The following FHOD3 variants were observed in gnomAD, a reference collection of about 807,000 sequenced individuals.
The protein encoded by FHOD3 is FH1/FH2 domain-containing protein 3.
A neutral mutation model predicts 173.0 loss-of-function variants in FHOD3; 90 were observed. That is an observed-to-expected ratio of 0.52 (90% confidence interval 0.44 to 0.62). FHOD3 has a LOEUF of 0.62. Ranked by LOEUF, FHOD3 falls within the 20% of genes least tolerant of loss-of-function variation. The pLI is 0.00. For missense variants in FHOD3, 1,945 were observed against 2,034.7 expected, an observed-to-expected ratio of 0.96 and a Z score of 0.85; for synonymous variants, 828 against 823.0, an observed-to-expected ratio of 1.01 and a Z score of -0.10.
intron 14 of FHOD3, among the ~76,000 whole-genome samples, chr18:36,662,133 G>A (rs2036852628): frequency 6.6e-6 from 1 of 152,216 alleles, no homozygotes; most frequent in Admixed American, 6.5e-5. Context: ...CGCATATGTG[G>A]TTGTGAGGCT....
intron 3 of FHOD3, among the ~76,000 whole-genome samples, chr18:36,427,309 A>AT (rs2050303592): frequency 6.6e-6 from 1 of 151,314 alleles, no homozygotes; most frequent in African/African-American, 2.4e-5. Context: ...AAAAAAAAAA[A>AT]AAAATCCTTC....
rs762637024 is a variant in FHOD3 at position 36,612,104 on chromosome 18, C to T, written c.957+9C>T. On this transcript the variant is annotated intron_variant, in intron 9 of 28. Coordinates refer to ENST00000590592, the MANE Select transcript of FHOD3 (RefSeq NM_001281740.3). Reference sequence around the variant, plus strand: ...AACTCAACATTTATGAGGTACCAGACCATGCCTTTTGTAAGGTATCGTACA... The same window carrying T: ...AACTCAACATTTATGAGGTACCAGATCATGCCTTTTGTAAGGTATCGTACA... The T allele has an allele frequency of 6.2e-7, 1 of 1,611,908 alleles. No homozygotes were observed. The highest frequency in any genetic ancestry group is 1.7e-5 in the Admixed American group (1 of 59,554).
chr18:36,626,516 C>G (rs925566673), intron 10 of FHOD3, among the ~76,000 whole-genome samples: 6 of 152,138 alleles, frequency 3.9e-5, no homozygotes, highest in Admixed American at 1.3e-4. Flanking sequence ...CATGCCTGCT[C>G]CAGAGTCTGG....
At chr18:36,625,802 A>G in intron 10 of FHOD3, 53 bp downstream of exon 10, 2 of 1,432,148 alleles carry the variant, frequency 1.4e-6, no homozygotes, top group Non-Finnish European at 1.9e-6. Context: ...TCCAAAAGAG[A>G]GCCCACAGGT....
chr18:36,519,404 GGT>G (rs2056157837), intron 5 of FHOD3, among the ~76,000 whole-genome samples: 1 of 152,190 alleles, frequency 6.6e-6, no homozygotes, highest in South Asian at 2.1e-4. Context: ...AGGTCAGTGG[GGT>G]GTGGTTGGCC....
chr18:36,594,663 A>G (rs564966865), intron 6 of FHOD3, 124 bp from the exon 7 acceptor site: 2 of 632,726 alleles, frequency 3.2e-6, no homozygotes, highest in African/African-American at 1.8e-5. Context: ...CTGTGAAGGA[A>G]TCTGTGTAAT....
intron 14 of FHOD3, among the ~76,000 whole-genome samples, chr18:36,663,872 C>T (rs1043937868): frequency 6.6e-6 from 1 of 152,234 alleles, no homozygotes; most frequent in Non-Finnish European, 1.5e-5. Flanking sequence ...AGTGGACTGT[C>T]TATTCCCTAT....
At chr18:36,768,921 A>G (rs2043253497) in intron 27 of FHOD3, among the ~76,000 whole-genome samples, 1 of 152,168 alleles carries the variant, frequency 6.6e-6, no homozygotes, top group African/African-American at 2.4e-5. Flanking sequence ...ATCTGCCCTC[A>G]GGTGATCACA....
At position 36,397,119 on chromosome 18, in the gene FHOD3, C is replaced by G. The variant is rs562065859; in HGVS notation, c.337+24375C>G. 2.0e-5 allele frequency among the ~76,000 whole-genome samples: 3 copies of G among 152,324 alleles called. No homozygotes were observed. In the East Asian group the frequency reaches 5.8e-4, roughly 29 times the overall value. On this transcript the variant is annotated intron_variant, in intron 3 of 28. Transcript: ENST00000590592. ...TCATAGAAGCTAGATTGCTACAGATCTTTTAGTCCAAACCATGGGACCATT... is the reference window on the plus strand; with the variant it reads ...TCATAGAAGCTAGATTGCTACAGATGTTTTAGTCCAAACCATGGGACCATT...
intron 24 of FHOD3, among the ~76,000 whole-genome samples, chr18:36,747,513 T>C (rs1278536910): frequency 6.6e-6 from 1 of 152,252 alleles, no homozygotes; most frequent in Non-Finnish European, 1.5e-5. Context: ...GTTCCTCCTT[T>C]ACCTGATCTG....
At chr18:36,359,391 T>C (rs1170734467) in intron 2 of FHOD3, among the ~76,000 whole-genome samples, 3 of 152,220 alleles carry the variant, frequency 2.0e-5, no homozygotes, top group East Asian at 3.8e-4. Context: ...GACAAAGCAA[T>C]TATTATGCTA....
intron 1 of FHOD3, among the ~76,000 whole-genome samples, chr18:36,316,917 C>T: frequency 6.6e-6 from 1 of 151,980 alleles, no homozygotes; most frequent in Non-Finnish European, 1.5e-5. Flanking sequence ...TGTTCCCCTC[C>T]CTGTGTCCAT....
At chr18:36,645,422 T>G (rs1285612679) in intron 10 of FHOD3, among the ~76,000 whole-genome samples, 1 of 151,936 alleles carries the variant, frequency 6.6e-6, no homozygotes, top group African/African-American at 2.4e-5. Flanking sequence ...AGTGAGACTC[T>G]GTCTCAAAAA....
chr18:36,578,884 G>A (rs1385179163), intron 6 of FHOD3, among the ~76,000 whole-genome samples: 1 of 152,072 alleles, frequency 6.6e-6, no homozygotes. Flanking sequence ...ACTTATTGAT[G>A]AGAGAATTTT....
chr18:36,779,995 T>C lies in FHOD3; in HGVS notation c.*465T>C. 3.7e-6 allele frequency: 2 copies of C among 536,616 alleles called. No individual in the cohort carries two copies. The highest frequency in any genetic ancestry group is 5.7e-6 in the Non-Finnish European group (2 of 350,084). The allele number at this position is 536,616 out of a possible 1,614,324, so 33.2% of individuals were successfully genotyped here. On this transcript the variant is annotated 3_prime_UTR_variant, in exon 29 of 29. Transcript: ENST00000590592. ...TTGTGGATTTTAGATGTAACAAATG[T>C]TTATACAAATACATACATGTACACC...
intron 5 of FHOD3, among the ~76,000 whole-genome samples, chr18:36,544,175 C>T (rs995795251): frequency 6.6e-5 from 10 of 152,172 alleles, no homozygotes; most frequent in African/African-American, 1.9e-4. Context: ...GGGTTAGAAA[C>T]GAAGGCAGGG....
chr18:36,441,696 T>G (rs902314568), intron 3 of FHOD3, among the ~76,000 whole-genome samples: 2 of 152,218 alleles, frequency 1.3e-5, no homozygotes, highest in African/African-American at 4.8e-5. Context: ...ACAGCTGTGC[T>G]GTGTAATTGC....
At chr18:36,737,059 G>A (rs551651472) in intron 20 of FHOD3, among the ~76,000 whole-genome samples, 7 of 152,138 alleles carry the variant, frequency 4.6e-5, no homozygotes, top group South Asian at 2.1e-4. Flanking sequence ...CTCATAGGAG[G>A]GGCTCATAGG....
In FHOD3 at chr18:36,332,843, G is replaced by C. The variant is rs1029098754; in HGVS notation, c.166-22696G>C. Among the ~76,000 whole-genome samples, 9 of 152,330 alleles carry C rather than the reference G, an allele frequency of 5.9e-5. No individual in the cohort carries two copies. In the South Asian group the frequency reaches 1.0e-3, roughly 18 times the overall value. On this transcript the variant is annotated intron_variant, in intron 1 of 28. Transcript: ENST00000590592. Reference sequence around the variant, plus strand: ...ATAGAAATTCTGACTTAGTTGATGAGAATCAGGGTTGTGGCATCATCTTCC... The same window carrying C: ...ATAGAAATTCTGACTTAGTTGATGACAATCAGGGTTGTGGCATCATCTTCC...
Sources: gnomAD v4.1 joint callset for allele counts (sites outside exome capture counted in the v4.1 genomes callset) on GRCh38, gnomAD v4.1.1 for gene constraint, MANE v1.5 for transcripts, NCBI Gene and HGNC (gene_info 2026-07-23, HGNC 2026-07-21) for gene names.